The following WARS2 variants were observed in gnomAD, a reference collection of about 807,000 sequenced individuals.
The protein encoded by WARS2 is tryptophan--tRNA ligase, mitochondrial.
WARS2 carries 28 observed loss-of-function variants against 36.5 expected under a neutral mutation model. The observed-to-expected ratio is 0.77, with a 90% CI of 0.57 to 1.05. WARS2 has a LOEUF of 1.05. Among genes scored for constraint, WARS2 ranks in the 50% least tolerant of loss-of-function variants. The pLI, the probability that WARS2 is intolerant of heterozygous loss-of-function variation, is 0.00. For synonymous variants in WARS2, 174 were observed against 178.4 expected, an observed-to-expected ratio of 0.98 and a Z score of 0.20; for missense variants, 435 against 456.8, an observed-to-expected ratio of 0.95 and a Z score of 0.44.
At chr1:119,061,067 AC>A (rs1386728060) in intron 2 of WARS2, among the ~76,000 whole-genome samples, 9 of 152,202 alleles carry the variant, frequency 5.9e-5, no homozygotes, top group African/African-American at 1.9e-4. Context: ...TAAAAAAACA[AC>A]AGATTTTTAT....
chr1:119,037,308 T>A (rs1422670358), intron 4 of WARS2, among the ~76,000 whole-genome samples: 3 of 142,152 alleles, frequency 2.1e-5, no homozygotes, highest in African/African-American at 8.3e-5. Flanking sequence ...TTTGCATCTA[T>A]GATACTTGAG....
chr1:119,076,587 T>C lies in WARS2; in HGVS notation c.111A>G (p.Val37=), dbSNP rs780986003. ...TTCCTGTAGGTTGAATGCCGGAAAA[T>C]ACTCGCTTCTTGCTGTCTTTCTGGA... The part of the protein sequence containing the change: ...PALQKDSKKR[V]FSGIQPTGIL... The change falls in exon 2 of 6, where the codon GTA becomes GTG. Residue 37 remains valine, a synonymous_variant. Transcript: ENST00000235521. The C allele has an allele frequency of 1.7e-5, 27 of 1,613,988 alleles. No homozygotes were observed. The Admixed American group carries it at 4.3e-4, about 26-fold the overall frequency.
At chr1:119,066,900 C>T (rs763448401) in intron 2 of WARS2, among the ~76,000 whole-genome samples, 5 of 152,134 alleles carry the variant, frequency 3.3e-5, no homozygotes, top group African/African-American at 4.8e-5. Context: ...ATTAATACAG[C>T]TAAAGAAAGT....
intron 1 of WARS2, among the ~76,000 whole-genome samples, chr1:119,104,018 T>C (rs1200832924): frequency 6.6e-6 from 1 of 151,332 alleles, no homozygotes; most frequent in African/African-American, 2.4e-5. Context: ...AGAATCTCAC[T>C]ATATTGCTCA....
Position 119,060,479 on chromosome 1 carries a change from A to G in WARS2, c.349-14817T>C, listed in dbSNP as rs75993157. The stretch of plus-strand genomic sequence containing the variant: ...CATCATTTAACCTTAATTACTTCCT[A>G]AAGACCCTATCTCTATATACAGTCA... On this transcript the variant is annotated intron_variant, in intron 2 of 5. Coordinates refer to ENST00000235521, the MANE Select transcript of WARS2 (RefSeq NM_015836.4). Among the ~76,000 whole-genome samples the G allele has an allele frequency of 1.8e-3, 268 of 152,334 alleles. 3 individuals carry two copies. In the East Asian group the frequency reaches 0.032, roughly 18 times the overall value.
chr1:119,033,566 T>C (rs1647628943), intron 5 of WARS2, among the ~76,000 whole-genome samples: 1 of 152,244 alleles, frequency 6.6e-6, no homozygotes, highest in Admixed American at 6.5e-5. Context: ...CAGTATAGTA[T>C]TCAATAAATT....
intron 1 of WARS2, among the ~76,000 whole-genome samples, chr1:119,128,822 G>A (rs1269429624): frequency 6.6e-6 from 1 of 152,048 alleles, no homozygotes; most frequent in Non-Finnish European, 1.5e-5. Context: ...AAAAAGACAG[G>A]TGTCATGGAA....
rs140312375 is a variant in WARS2 at position 119,134,064 on chromosome 1, C to T, written c.90+6491G>A. ...TTATTTTATTTTATACTTTCAACTA[C>T]CTTACTGAAAAATCTACACCTATCA... On this transcript the variant is annotated intron_variant, in intron 1 of 5. Coordinates refer to ENST00000235521, the MANE Select transcript of WARS2 (RefSeq NM_015836.4). Among the ~76,000 whole-genome samples, 199 of 151,446 alleles carry T rather than the reference C, an allele frequency of 1.3e-3. 1 individual carries two copies. In the Middle Eastern group the frequency reaches 0.02, roughly 16 times the overall value.
chr1:119,085,102 G>C, intron 1 of WARS2: 1 of 776,864 alleles, frequency 1.3e-6, no homozygotes, highest in Non-Finnish European at 2.4e-6. Flanking sequence ...CTACTTCTAT[G>C]ACTACGCCCT....
intron 1 of WARS2, chr1:119,082,493 T>G (rs1366330913): frequency 3.1e-6 from 3 of 976,404 alleles, no homozygotes; most frequent in East Asian, 2.3e-4. Context: ...GGAAGGACAC[T>G]GCTAAGTTAA....
chr1:119,108,447 T>C (rs1462717869), intron 1 of WARS2, among the ~76,000 whole-genome samples: 1 of 152,040 alleles, frequency 6.6e-6, no homozygotes, highest in African/African-American at 2.4e-5. Context: ...GCCCATTTTA[T>C]TTAGGTTATT....
chr1:119,127,333 G>C, intron 1 of WARS2: 1 of 527,166 alleles, frequency 1.9e-6, no homozygotes, highest in South Asian at 1.7e-5. Flanking sequence ...TACTATTACT[G>C]TCTCTGTTTT....
chr1:119,080,013 G>A (rs894968453), intron 1 of WARS2, among the ~76,000 whole-genome samples: 4 of 152,100 alleles, frequency 2.6e-5, no homozygotes, highest in East Asian at 1.9e-4. Flanking sequence ...ACCTATTAGC[G>A]AGGCTTCCTC....
intron 1 of WARS2, among the ~76,000 whole-genome samples, chr1:119,093,723 T>C (rs751724893): frequency 3.9e-5 from 6 of 152,166 alleles, no homozygotes; most frequent in Non-Finnish European, 7.4e-5. Context: ...AAAGAATACA[T>C]TTCTGTTCTT....
At chr1:119,085,532 G>C (rs1652580163) in intron 1 of WARS2, 4 of 1,608,024 alleles carry the variant, frequency 2.5e-6, no homozygotes, top group South Asian at 1.1e-5. Flanking sequence ...AACTTGGTGA[G>C]GGGGTACGAG....
chr1:119,068,841 A>T (rs58786876), intron 2 of WARS2, among the ~76,000 whole-genome samples: 41 of 102,664 alleles, frequency 4.0e-4, no homozygotes, highest in African/African-American at 9.0e-4. Context: ...TCTCTCTCTC[A>T]CACACACACA....
chr1:119,091,523 C>G (rs1009866056), intron 1 of WARS2, among the ~76,000 whole-genome samples: 8 of 152,180 alleles, frequency 5.3e-5, no homozygotes, highest in African/African-American at 1.4e-4. Context: ...CTTTGATTCA[C>G]TAGAATGTAT....
At chr1:119,082,840 A>G (rs1293486582) in intron 1 of WARS2, among the ~76,000 whole-genome samples, 1 of 152,184 alleles carries the variant, frequency 6.6e-6, no homozygotes, top group Non-Finnish European at 1.5e-5. Context: ...ATTCAAATTG[A>G]AAATCCCCAC....
At chr1:119,090,663 G>A (rs927871136) in intron 1 of WARS2, among the ~76,000 whole-genome samples, 12 of 152,154 alleles carry the variant, frequency 7.9e-5, no homozygotes, top group Admixed American at 7.9e-4. Context: ...ACTTGAGCCA[G>A]GAGTTTGAAA....
Sources: gnomAD v4.1 joint callset for allele counts (sites outside exome capture counted in the v4.1 genomes callset) on GRCh38, gnomAD v4.1.1 for gene constraint, MANE v1.5 for transcripts, NCBI Gene and HGNC (gene_info 2026-07-23, HGNC 2026-07-21) for gene names.